Variants in HOOK3 observed in about 807,000 individuals in gnomAD.
HOOK3 encodes the protein protein Hook homolog 3.
Under a neutral mutation model 116.3 loss-of-function variants are expected in HOOK3, and 24 were observed. That is an observed-to-expected ratio of 0.21 (90% CI 0.15 to 0.29). The LOEUF is 0.29. Ranked by LOEUF, HOOK3 falls within the 10% of genes least tolerant of loss-of-function variation. The pLI is 1.00. For missense variants in HOOK3, 632 were observed against 830.2 expected (o/e 0.76, Z 2.93); for synonymous variants, 275 against 283.0 (o/e 0.97, Z 0.28).
rs942424442 is a variant in HOOK3 at position 42,909,648 on chromosome 8, A to G, written c.143+3390A>G. Among the ~76,000 whole-genome samples the G allele has an allele frequency of 2.0e-5, 3 of 152,106 alleles. No homozygotes were observed. The East Asian group carries it at 5.8e-4, about 29-fold the overall frequency. ...CAGCCTTTTTTGTTGTTGTTGTTGT[A>G]GAGATGGGGTCTCACTGTGTGGCCC... On this transcript the variant is annotated intron_variant, in intron 2 of 21. Transcript: ENST00000307602.
rs563683818 is a variant in HOOK3, at chr8:43,003,305, C to T, written c.1655+1164C>T. The stretch of plus-strand genomic sequence containing the variant: ...TTTTAAATGATAAATGTGGGAGACA[C>T]AAGATACTCCTGGCGACAGATTTGC... On this transcript the variant is annotated intron_variant, in intron 17 of 21. Transcript: ENST00000307602. 2.0e-5 allele frequency among the ~76,000 whole-genome samples: 3 copies of T among 152,268 alleles called. No homozygotes were observed. The South Asian group carries it at 6.2e-4, about 32-fold the overall frequency.
At chr8:42,969,065 T>C (rs973405106) in intron 11 of HOOK3, among the ~76,000 whole-genome samples, 4 of 152,212 alleles carry the variant, frequency 2.6e-5, no homozygotes, top group African/African-American at 7.2e-5. Context: ...TTAGTCTCTG[T>C]ACCAAAATTT....
chr8:42,900,430 C>G (rs550379038), intron 1 of HOOK3, among the ~76,000 whole-genome samples: 6 of 152,152 alleles, frequency 3.9e-5, no homozygotes, highest in African/African-American at 1.4e-4. Flanking sequence ...CACATAGGCT[C>G]GGTACACTTT....
At chr8:42,975,713 A>T (rs1226863020) in intron 13 of HOOK3, among the ~76,000 whole-genome samples, 1 of 152,144 alleles carries the variant, frequency 6.6e-6, no homozygotes, top group African/African-American at 2.4e-5. Flanking sequence ...CTTAAGATAG[A>T]TACATATGTT....
rs970541787 is a variant in HOOK3 at position 43,022,171 on chromosome 8, A to C, written c.*3673A>C. ...ATTTAGCTCTAACGGTGGCAACTCC[A>C]TGTCCGGTGTCCAGCTTTGGACAGG... On this transcript the variant is annotated 3_prime_UTR_variant, in exon 22 of 22. Coordinates refer to ENST00000307602, the MANE Select transcript of HOOK3 (RefSeq NM_032410.4). The C allele has an allele frequency of 1.9e-5, 4 of 209,372 alleles. No homozygotes were observed. The Admixed American group carries it at 2.4e-4, about 12-fold the overall frequency. 13.0% of individuals were successfully genotyped at this position (209,372 alleles called of 1,614,324 possible).
intron 2 of HOOK3, among the ~76,000 whole-genome samples, chr8:42,920,115 T>A (rs987703777): frequency 2.0e-5 from 3 of 152,194 alleles, no homozygotes; most frequent in African/African-American, 7.2e-5. Flanking sequence ...AATGATTTTG[T>A]ATATTTTCTC....
At chr8:43,012,026 T>C (rs1809623659) in intron 19 of HOOK3, among the ~76,000 whole-genome samples, 1 of 152,146 alleles carries the variant, frequency 6.6e-6, no homozygotes, top group East Asian at 1.9e-4. Context: ...GCCACAGTGA[T>C]AGGCTTACAC....
chr8:42,991,269 T>C (rs1300033751), intron 15 of HOOK3, among the ~76,000 whole-genome samples: 1 of 152,220 alleles, frequency 6.6e-6, no homozygotes, highest in African/African-American at 2.4e-5. Flanking sequence ...CTTTGGTTAT[T>C]CTGGGTATTC....
Position 43,024,055 on chromosome 8 carries a change from A to G in HOOK3, c.*5557A>G, listed in dbSNP as rs1809887804. 4.8e-6 allele frequency: 1 copy of G among 206,344 alleles called. No individual in the cohort carries two copies. The highest frequency in any genetic ancestry group is 2.3e-5 in the African/African-American group (1 of 43,834). The allele number at this position is 206,344 out of a possible 1,614,324, so 12.8% of individuals were successfully genotyped here. ...GGATCATGTGTGATTTATCTGAGAA[A>G]GCATCCACAACCCACAGCTAGTGGA... On this transcript the variant is annotated 3_prime_UTR_variant, in exon 22 of 22. Transcript: ENST00000307602.
intron 15 of HOOK3, among the ~76,000 whole-genome samples, chr8:42,991,508 T>C (rs1313928782): frequency 1.3e-5 from 2 of 150,234 alleles, no homozygotes; most frequent in African/African-American, 4.9e-5. Flanking sequence ...GTTCAAGCAA[T>C]TCTCTTCCCT....
At position 43,020,463 on chromosome 8, in the gene HOOK3, C is replaced by T. The variant is rs1218725264; in HGVS notation, c.*1965C>T. Reference sequence around the variant, plus strand: ...ACGTGGTGCCTCACGCCTGCAATCTCACCATTTGGGAGACCTAGGTGGGGG... The same window carrying T: ...ACGTGGTGCCTCACGCCTGCAATCTTACCATTTGGGAGACCTAGGTGGGGG... On this transcript the variant is annotated 3_prime_UTR_variant, in exon 22 of 22. Transcript: ENST00000307602. 1 of 185,122 alleles carries T rather than the reference C, an allele frequency of 5.4e-6. No individual in the cohort carries two copies. Among genetic ancestry groups the T allele is most frequent in the Non-Finnish European group, 1.1e-5 (1 of 87,486 alleles). 11.5% of individuals were successfully genotyped at this position (185,122 alleles called of 1,614,324 possible). A position where few individuals can be genotyped will look rare whatever the true frequency, so the allele number is the denominator to read the frequency against.
rs35347216 is a variant in HOOK3 at position 42,906,087 on chromosome 8, CAAAA to C, written c.58-71_58-68del. On this transcript the variant is annotated intron_variant, in intron 1 of 21. Transcript: ENST00000307602. ...GGGTGACAGGGCTAGACTCCGTCTC[CAAAA>C]AAAAAAAAAAAAAAGGCCTAAGAAA... The C allele has an allele frequency of 9.3e-3, 3,619 of 389,926 alleles. 30 individuals are homozygous for C. Among genetic ancestry groups the C allele is most frequent in the African/African-American group, 0.068 (1,564 of 22,924 alleles). The allele number at this position is 389,926 out of a possible 1,614,324, so 24.2% of individuals were successfully genotyped here. A position where few individuals can be genotyped will look rare whatever the true frequency, so the allele number is the denominator to read the frequency against.
intron 2 of HOOK3, among the ~76,000 whole-genome samples, chr8:42,912,812 C>A (rs995656304): frequency 6.6e-6 from 1 of 152,188 alleles, no homozygotes; most frequent in Non-Finnish European, 1.5e-5. Flanking sequence ...TGTTGTACAT[C>A]CTATGGGTTT....
intron 11 of HOOK3, among the ~76,000 whole-genome samples, chr8:42,970,033 T>C (rs894546855): frequency 1.3e-5 from 2 of 152,228 alleles, no homozygotes; most frequent in Non-Finnish European, 2.9e-5. Context: ...TAATCTTCTC[T>C]ATTTTCTTTA....
At chr8:42,999,766 T>G (rs1809344618) in intron 16 of HOOK3, among the ~76,000 whole-genome samples, 1 of 152,184 alleles carries the variant, frequency 6.6e-6, no homozygotes, top group African/African-American at 2.4e-5. Context: ...ATGGATAATT[T>G]GAGCTAGCCA....
At chr8:42,988,592 G>A (rs575180372) in intron 15 of HOOK3, among the ~76,000 whole-genome samples, 11 of 151,964 alleles carry the variant, frequency 7.2e-5, no homozygotes, top group African/African-American at 1.7e-4. Flanking sequence ...CAACACTGAC[G>A]ATGAATAACT....
At position 42,959,425 on chromosome 8, in the gene HOOK3, T is replaced by A. The variant is rs532985037; in HGVS notation, c.615+111T>A. On this transcript the variant is annotated intron_variant, in intron 8 of 21. Coordinates refer to ENST00000307602, the MANE Select transcript of HOOK3 (RefSeq NM_032410.4). ...TCTTAACTATAACGCAACCCTTTTT[T>A]AGGGAAAAAATGGCTGGGCGCAGTG... The A allele has an allele frequency of 9.8e-6, 7 of 711,192 alleles. No individual in the cohort carries two copies. The East Asian group carries it at 2.0e-4, about 20-fold the overall frequency. The allele number at this position is 711,192 out of a possible 1,614,324, so 44.1% of individuals were successfully genotyped here.
intron 4 of HOOK3, among the ~76,000 whole-genome samples, chr8:42,932,164 A>T (rs1189574290): frequency 5.3e-5 from 8 of 152,198 alleles, no homozygotes; most frequent in African/African-American, 1.2e-4. Context: ...TAATCATGTC[A>T]AATAAATATT....
chr8:42,959,447 A>T, intron 8 of HOOK3, 133 bp downstream of exon 8: 1 of 592,558 alleles, frequency 1.7e-6, no homozygotes, highest in Non-Finnish European at 2.9e-6. Flanking sequence ...GGCTGGGCGC[A>T]GTGGCTCACA....
Sources: gnomAD v4.1 joint callset for allele counts (sites outside exome capture counted in the v4.1 genomes callset) on GRCh38, gnomAD v4.1.1 for gene constraint, MANE v1.5 for transcripts, NCBI Gene and HGNC (gene_info 2026-07-23, HGNC 2026-07-21) for gene names.